Variants in SYNGR1 observed in about 807,000 individuals in gnomAD.
SYNGR1 encodes the protein synaptogyrin-1.
Under a neutral mutation model 26.1 loss-of-function variants are expected in SYNGR1, and 14 were observed. The ratio of observed to expected loss-of-function variants is 0.54; its 90% CI spans 0.35 to 0.84. The LOEUF (loss-of-function observed/expected upper bound fraction) is 0.84, where lower values mean the gene tolerates loss of function less well. SYNGR1 is among the 40% of genes least tolerant of loss of function. SYNGR1 has a pLI of 0.01. For synonymous variants in SYNGR1, 141 were observed against 150.1 expected, an observed-to-expected ratio of 0.94 and a Z score of 0.44; for missense variants, 319 against 332.9, an observed-to-expected ratio of 0.96 and a Z score of 0.33.
chr22:39,364,388 C>T, intron 1 of SYNGR1: 7 of 1,595,396 alleles, frequency 4.4e-6, no homozygotes, highest in East Asian at 2.2e-5. Context: ...TATAAGACTG[C>T]TTTGTGGGGA....
chr22:39,373,243 A>T (rs1281084409), intron 1 of SYNGR1, among the ~76,000 whole-genome samples: 1 of 150,566 alleles, frequency 6.6e-6, no homozygotes, highest in African/African-American at 2.5e-5. Context: ...ATCTTGGCTC[A>T]CTGCAACCTC....
intron 1 of SYNGR1, among the ~76,000 whole-genome samples, chr22:39,354,466 G>C (rs2145605169): frequency 6.6e-6 from 1 of 152,214 alleles, no homozygotes; most frequent in African/African-American, 2.4e-5. Context: ...GGGGTGGCCT[G>C]AGGGGGGCAG....
At chr22:39,373,628 C>T (rs373773277) in intron 1 of SYNGR1, among the ~76,000 whole-genome samples, 1 of 152,000 alleles carries the variant, frequency 6.6e-6, no homozygotes, top group African/African-American at 2.4e-5. Flanking sequence ...ACTACAGGCA[C>T]GCACCACCAT....
intron 1 of SYNGR1, among the ~76,000 whole-genome samples, chr22:39,358,437 A>C (rs1050716675): frequency 2.2e-4 from 34 of 152,134 alleles, no homozygotes; most frequent in Admixed American, 3.3e-4. Context: ...CGTTGCGATA[A>C]ATTTTGCTAC....
intron 3 of SYNGR1, among the ~76,000 whole-genome samples, chr22:39,379,009 G>A (rs1925407874): frequency 6.6e-6 from 1 of 152,218 alleles, no homozygotes; most frequent in Non-Finnish European, 1.5e-5. Flanking sequence ...AAACCAGCCT[G>A]GATAGTAGAG....
chr22:39,350,761 C>T lies in SYNGR1; in HGVS notation c.99+652C>T, dbSNP rs1923869361. Reference sequence around the variant, plus strand: ...CGAGGTGGGGAGTGTCATCTCCTCTCTCATGCCTCAGTTTCCCAATTTATA... The same window carrying T: ...CGAGGTGGGGAGTGTCATCTCCTCTTTCATGCCTCAGTTTCCCAATTTATA... On this transcript the variant is annotated intron_variant, in intron 1 of 3. Transcript: ENST00000328933. The surrounding 1 kb of genome is among the most constrained non-coding windows in gnomAD (Gnocchi z 4.3). Among the ~76,000 whole-genome samples the T allele has an allele frequency of 6.6e-6, 1 of 152,230 alleles. No individual in the cohort carries two copies. Among genetic ancestry groups the T allele is most frequent in the African/African-American group, 2.4e-5 (1 of 41,466 alleles).
chr22:39,379,325 A>G (rs1037019034), intron 3 of SYNGR1, among the ~76,000 whole-genome samples: 29 of 152,338 alleles, frequency 1.9e-4, no homozygotes, highest in African/African-American at 6.3e-4. Context: ...ACTTTGGTCA[A>G]TGAGTACAAT....
chr22:39,353,917 G>A (rs1924028219), intron 1 of SYNGR1, among the ~76,000 whole-genome samples: 1 of 152,178 alleles, frequency 6.6e-6, no homozygotes, highest in Non-Finnish European at 1.5e-5. Flanking sequence ...AGGCTAGAGT[G>A]CAGTGGCGCG....
At chr22:39,372,966 G>A (rs1232945488) in intron 1 of SYNGR1, among the ~76,000 whole-genome samples, 6 of 152,140 alleles carry the variant, frequency 3.9e-5, no homozygotes, top group East Asian at 3.9e-4. Flanking sequence ...AGAAGAGGAC[G>A]AGCAAGATGG....
Position 39,382,152 on chromosome 22 carries a change from AT to A in SYNGR1, c.*241del. 5.0e-6 allele frequency: 3 copies of A among 597,264 alleles called. No individual in the cohort carries two copies. The highest frequency in any genetic ancestry group is 6.0e-6 in the Non-Finnish European group (2 of 334,906). The allele number at this position is 597,264 out of a possible 1,614,324, so 37.0% of individuals were successfully genotyped here. A position where few individuals can be genotyped will look rare whatever the true frequency, so the allele number is the denominator to read the frequency against. The stretch of plus-strand genomic sequence containing the variant: ...GGCCTAGAGGGTGGGGGCCAGGGGT[AT>A]TTGCATTCATACATTGTGTCATCAA... On this transcript the variant is annotated 3_prime_UTR_variant, in exon 4 of 4. Transcript: ENST00000328933.
chr22:39,350,191 AC>A lies in SYNGR1; in HGVS notation c.99+86del. The A allele has an allele frequency of 2.0e-6, 2 of 976,262 alleles. No individual in the cohort carries two copies. Among genetic ancestry groups the A allele is most frequent in the Non-Finnish European group, 2.6e-6 (2 of 763,984 alleles). 60.5% of individuals were successfully genotyped at this position (976,262 alleles called of 1,614,324 possible). A position where few individuals can be genotyped will look rare whatever the true frequency, so the allele number is the denominator to read the frequency against. On this transcript the variant is annotated intron_variant, in intron 1 of 3. Transcript: ENST00000328933. This position sits in a 1 kb window ranked among gnomAD's most constrained non-coding sequence, Gnocchi z 4.3. ...AGGCGGCGCGCCCGGACCGACCCCG[AC>A]CCCGACCCCAACGGGCCCCCGGCGG... is the stretch of plus-strand genomic sequence containing the variant.
intron 1 of SYNGR1, among the ~76,000 whole-genome samples, chr22:39,357,387 G>A (rs1924191554): frequency 6.6e-6 from 1 of 152,216 alleles, no homozygotes; most frequent in African/African-American, 2.4e-5. Flanking sequence ...TGTCCTCACA[G>A]CCCTCACTTG....
At chr22:39,365,625 G>C (rs11913155) in intron 1 of SYNGR1, among the ~76,000 whole-genome samples, 9,796 of 152,122 alleles carry the variant, frequency 0.064, 1,033 homozygotes, top group African/African-American at 0.23. Flanking sequence ...TTGACACAGA[G>C]GGCAGCTGAC....
At chr22:39,353,672 G>A (rs767477334) in intron 1 of SYNGR1, among the ~76,000 whole-genome samples, 13 of 152,208 alleles carry the variant, frequency 8.5e-5, no homozygotes, top group Non-Finnish European at 1.5e-4. Context: ...GATCTGTTGC[G>A]CGGTGACTGC....
chr22:39,358,568 C>T (rs947251486), intron 1 of SYNGR1, among the ~76,000 whole-genome samples: 1 of 151,668 alleles, frequency 6.6e-6, no homozygotes, highest in Non-Finnish European at 1.5e-5. Context: ...CAACTCCAGA[C>T]GCGCGGCATT....
At chr22:39,362,226 A>G (rs1238804717) in intron 1 of SYNGR1, among the ~76,000 whole-genome samples, 1 of 152,226 alleles carries the variant, frequency 6.6e-6, no homozygotes, top group African/African-American at 2.4e-5. Flanking sequence ...GGCATTCTGG[A>G]AAGAGGGAGG....
chr22:39,357,243 C>G (rs1467832531), intron 1 of SYNGR1, among the ~76,000 whole-genome samples: 1 of 151,266 alleles, frequency 6.6e-6, no homozygotes. Flanking sequence ...TCCAGCCAGG[C>G]AACAGAGCAA....
intron 1 of SYNGR1, among the ~76,000 whole-genome samples, chr22:39,351,909 G>A (rs182695833): frequency 4.9e-4 from 75 of 152,352 alleles, no homozygotes; most frequent in African/African-American, 1.7e-3. Context: ...GGTGGGATGA[G>A]GGTTTATACA....
rs1925554899 is a variant in SYNGR1 at position 39,383,230 on chromosome 22, G to A, written c.*1316G>A. ...CTGTGGAGCCAGCCTCCCTATGGGA[G>A]GCAGAGCGGCAAGGACAGGGCTTTG... On this transcript the variant is annotated 3_prime_UTR_variant, in exon 4 of 4. Coordinates refer to ENST00000328933, the MANE Select transcript of SYNGR1 (RefSeq NM_004711.5). The A allele has an allele frequency of 6.6e-6, 1 of 152,370 alleles. No homozygotes were observed. Among genetic ancestry groups the A allele is most frequent in the African/African-American group, 2.4e-5 (1 of 41,458 alleles). 9.4% of individuals were successfully genotyped at this position (152,370 alleles called of 1,614,324 possible).
Sources: gnomAD v4.1 joint callset for allele counts (sites outside exome capture counted in the v4.1 genomes callset) on GRCh38, gnomAD v4.1.1 for gene constraint, Gnocchi (gnomAD v3.1) non-coding constraint, MANE v1.5 for transcripts, NCBI Gene and HGNC (gene_info 2026-07-23, HGNC 2026-07-21) for gene names.